Variants in KLHDC7A observed in about 807,000 individuals in gnomAD.
KLHDC7A encodes kelch domain containing 7A.
For missense variants in KLHDC7A, 1,123 were observed against 1,052.6 expected (o/e 1.07, Z -0.93); for synonymous variants, 464 against 461.0 (o/e 1.01, Z -0.08).
rs749113065 is a variant in KLHDC7A, at chr1:18,481,119, G to A, written c.138G>A (p.Gln46=). 5.0e-6 allele frequency: 8 copies of A among 1,613,800 alleles called. No individual in the cohort carries two copies. The South Asian group carries it at 7.7e-5, about 16-fold the overall frequency. Residue 46 remains glutamine (Q), a synonymous_variant, in exon 1 of 1, where the codon CAG becomes CAA. Coordinates refer to ENST00000400664, the MANE Select transcript of KLHDC7A (RefSeq NM_152375.3). ...RLYKSRPAPA[Q]RWGGNGQAEA... ...ACAAGTCGAGGCCTGCCCCAGCCCA[G>A]CGGTGGGGTGGGAATGGCCAGGCAG...
rs138851325 is a variant in KLHDC7A, at chr1:18,481,852, G to C, written c.871G>C (p.Asp291His). 1 of 1,613,916 alleles carries C rather than the reference G, an allele frequency of 6.2e-7. No homozygotes were observed. Among genetic ancestry groups the C allele is most frequent in the Non-Finnish European group, 8.5e-7 (1 of 1,179,982 alleles). The part of the protein sequence containing the change: ...VEPRLKGKVY[D>H]YYVESTSQAI... ...GCCCCGGCTCAAGGGCAAGGTGTACGACTACTATGTGGAATCTACCTCTCA... is the reference window on the plus strand; with the variant it reads ...GCCCCGGCTCAAGGGCAAGGTGTACCACTACTATGTGGAATCTACCTCTCA... Residue 291 changes from aspartate (D) to histidine (H), a missense_variant, in exon 1 of 1, where the codon GAC (aspartate) becomes CAC (histidine). Transcript: ENST00000400664.
chr1:18,481,852 G>A lies in KLHDC7A; in HGVS notation c.871G>A (p.Asp291Asn). The change falls in exon 1 of 1, where the codon GAC becomes AAC. Residue 291 changes from aspartate (D) to asparagine (N), a missense_variant. Transcript: ENST00000400664. ...GCCCCGGCTCAAGGGCAAGGTGTAC[G>A]ACTACTATGTGGAATCTACCTCTCA... is the stretch of plus-strand genomic sequence containing the variant. The part of the protein sequence containing the change: ...VEPRLKGKVY[D>N]YYVESTSQAI... 1.9e-6 allele frequency: 3 copies of A among 1,614,034 alleles called. No homozygotes were observed. Among genetic ancestry groups the A allele is most frequent in the Non-Finnish European group, 2.5e-6 (3 of 1,179,974 alleles).
Position 18,483,927 on chromosome 1 carries a change from C to G in KLHDC7A, c.*612C>G, listed in dbSNP as rs1557446640. 30 of 1,303,920 alleles carry G rather than the reference C, an allele frequency of 2.3e-5. No homozygotes were observed. The highest frequency in any genetic ancestry group is 2.9e-5 in the Non-Finnish European group (29 of 988,840). 80.8% of individuals were successfully genotyped at this position (1,303,920 alleles called of 1,614,324 possible). A position where few individuals can be genotyped will look rare whatever the true frequency, so the allele number is the denominator to read the frequency against. ...TAGAACAGCTGAAGCTGGGGCCAGC[C>G]TAGGAGACTCTTGCTTGCGAGAAAA... is the stretch of plus-strand genomic sequence containing the variant. On this transcript the variant is annotated 3_prime_UTR_variant, in exon 1 of 1. Coordinates refer to ENST00000400664, the MANE Select transcript of KLHDC7A (RefSeq NM_152375.3).
At position 18,481,421 on chromosome 1, in the gene KLHDC7A, C is replaced by G. The variant is rs769390350; in HGVS notation, c.440C>G (p.Thr147Arg). 1 of 1,613,868 alleles carries G rather than the reference C, an allele frequency of 6.2e-7. No homozygotes were observed. The highest frequency in any genetic ancestry group is 1.1e-5 in the South Asian group (1 of 91,060). ...PPCCPSQETR[T>R]AVGSNPDPPH... ...TGCTGCCCCAGCCAGGAAACCAGAA[C>G]AGCTGTTGGCAGTAACCCTGACCCT... Residue 147 changes from threonine (T) to arginine (R), a missense_variant, in exon 1 of 1, where the codon ACA becomes AGA. Coordinates refer to ENST00000400664, the MANE Select transcript of KLHDC7A (RefSeq NM_152375.3).
rs576576320 is a variant in KLHDC7A at position 18,481,162 on chromosome 1, G to A, written c.181G>A (p.Glu61Lys). 1.2e-6 allele frequency: 2 copies of A among 1,612,202 alleles called. No individual in the cohort carries two copies. Among genetic ancestry groups the A allele is most frequent in the Non-Finnish European group, 1.7e-6 (2 of 1,179,308 alleles). ...CCAGGCAGAAGCCAAGGAGGAAGCAGAGGGCTCAGGGCAGCCTGCTGTACA... is the reference window on the plus strand; with the variant it reads ...CCAGGCAGAAGCCAAGGAGGAAGCAAAGGGCTCAGGGCAGCCTGCTGTACA... ...NGQAEAKEEA[E>K]GSGQPAVQEA... is the part of the protein sequence containing the mutation. Residue 61 changes from glutamate (E) to lysine (K), a missense_variant, in exon 1 of 1, where the codon GAG becomes AAG. Glu to Lys is a moderately conservative substitution (Grantham distance 56). Coordinates refer to ENST00000400664, the MANE Select transcript of KLHDC7A (RefSeq NM_152375.3).
At position 18,483,652 on chromosome 1, in the gene KLHDC7A, CTT is replaced by C. The variant is rs2086915647; in HGVS notation, c.*341_*342del. 2.4e-6 allele frequency: 3 copies of C among 1,235,286 alleles called. No individual in the cohort carries two copies. The East Asian group carries it at 1.4e-4, about 59-fold the overall frequency. The allele number at this position is 1,235,286 out of a possible 1,614,324, so 76.5% of individuals were successfully genotyped here. ...CCCACCAAAGCTTAGGGGGCATAGT[CTT>C]TTTGCAATCACAATTCTAGGAGCCA... On this transcript the variant is annotated 3_prime_UTR_variant, in exon 1 of 1. Coordinates refer to ENST00000400664, the MANE Select transcript of KLHDC7A (RefSeq NM_152375.3).
rs1170093569 is a variant in KLHDC7A at position 18,481,752 on chromosome 1, C to A, written c.771C>A (p.Asn257Lys). 1 of 1,613,866 alleles carries A rather than the reference C, an allele frequency of 6.2e-7. No homozygotes were observed. Among genetic ancestry groups the A allele is most frequent in the African/African-American group, 1.3e-5 (1 of 74,940 alleles). Residue 257 changes from asparagine (N) to lysine (K), a missense_variant, in exon 1 of 1, where the codon AAC (asparagine) becomes AAA (lysine). Coordinates refer to ENST00000400664, the MANE Select transcript of KLHDC7A (RefSeq NM_152375.3). ...LTLHQQEGAP[N>K]SSYTFSSIAR... ...TGCATCAGCAGGAGGGCGCCCCCAA[C>A]TCCTCCTATACCTTCTCATCCATAG...
rs374506641 is a variant in KLHDC7A at position 18,485,110 on chromosome 1, G to A, written c.*1795G>A. ...TGGGGCAGAATGGCTTCAGTGACAA[G>A]ACTCAAAGGAGGCACTAGCATTGTG... On this transcript the variant is annotated 3_prime_UTR_variant, in exon 1 of 1. Coordinates refer to ENST00000400664, the MANE Select transcript of KLHDC7A (RefSeq NM_152375.3). The A allele has an allele frequency of 2.4e-5, 4 of 166,922 alleles. No individual in the cohort carries two copies. Among genetic ancestry groups the A allele is most frequent in the African/African-American group, 9.7e-5 (4 of 41,336 alleles). 10.3% of individuals were successfully genotyped at this position (166,922 alleles called of 1,614,324 possible).
Position 18,484,846 on chromosome 1 carries a change from G to C in KLHDC7A, c.*1531G>C, listed in dbSNP as rs1437152040. The C allele has an allele frequency of 6.0e-6, 1 of 167,048 alleles. No individual in the cohort carries two copies. The highest frequency in any genetic ancestry group is 2.4e-5 in the African/African-American group (1 of 41,380). The allele number at this position is 167,048 out of a possible 1,614,324, so 10.3% of individuals were successfully genotyped here. A position where few individuals can be genotyped will look rare whatever the true frequency, so the allele number is the denominator to read the frequency against. ...ATCCCTGGTCTGGGCTCTGGCACCAGGCTCTGCCAGTGGCAGCTCAGAGGC... is the reference window on the plus strand; with the variant it reads ...ATCCCTGGTCTGGGCTCTGGCACCACGCTCTGCCAGTGGCAGCTCAGAGGC... On this transcript the variant is annotated 3_prime_UTR_variant, in exon 1 of 1. Transcript: ENST00000400664.
rs1557446381 is a variant in KLHDC7A, at chr1:18,483,357, C to T, written c.*42C>T. On this transcript the variant is annotated 3_prime_UTR_variant, in exon 1 of 1. Transcript: ENST00000400664. ...CTCCTCATGCAAAGCTGGGGGCCAC[C>T]GGGCTCCACTGCCAGCCGTCCCTCT... 2 of 1,581,134 alleles carry T rather than the reference C, an allele frequency of 1.3e-6. No homozygotes were observed. The highest frequency in any genetic ancestry group is 2.2e-5 in the East Asian group (1 of 44,472).
In KLHDC7A at chr1:18,483,619, A is replaced by T; in HGVS notation, c.*304A>T. On this transcript the variant is annotated 3_prime_UTR_variant, in exon 1 of 1. Coordinates refer to ENST00000400664, the MANE Select transcript of KLHDC7A (RefSeq NM_152375.3). ...CAACTCTGAATTCTTGGGGGGATAC[A>T]CCGGGACCCCACCAAAGCTTAGGGG... is the stretch of plus-strand genomic sequence containing the variant. 7.7e-6 allele frequency: 10 copies of T among 1,300,152 alleles called. No homozygotes were observed. Among genetic ancestry groups the T allele is most frequent in the Non-Finnish European group, 9.9e-6 (10 of 1,007,984 alleles). The allele number at this position is 1,300,152 out of a possible 1,614,324, so 80.5% of individuals were successfully genotyped here.
chr1:18,483,249 G>A lies in KLHDC7A; in HGVS notation c.2268G>A (p.Pro756=), dbSNP rs762203639. 25 of 1,613,672 alleles carry A rather than the reference G, an allele frequency of 1.5e-5. No homozygotes were observed. Among genetic ancestry groups the A allele is most frequent in the Admixed American group, 5.0e-5 (3 of 59,996 alleles). The change falls in exon 1 of 1, where the codon CCG becomes CCA. Residue 756 remains proline, a synonymous_variant. Coordinates refer to ENST00000400664, the MANE Select transcript of KLHDC7A (RefSeq NM_152375.3). ...VPKELRSFPA[P]QGTLLPTVLT... Reference sequence around the variant, plus strand: ...AGGAGCTGCGGAGTTTCCCGGCCCCGCAGGGCACCCTCCTGCCCACCGTCC... The same window carrying A: ...AGGAGCTGCGGAGTTTCCCGGCCCCACAGGGCACCCTCCTGCCCACCGTCC...
chr1:18,485,519 T>C lies in KLHDC7A; in HGVS notation c.*2204T>C, dbSNP rs1162078561. 6.2e-6 allele frequency: 1 copy of C among 161,950 alleles called. No individual in the cohort carries two copies. The highest frequency in any genetic ancestry group is 7.0e-5 in the Admixed American group (1 of 14,222). 10.0% of individuals were successfully genotyped at this position (161,950 alleles called of 1,614,324 possible). ...CTCTCTTATGGTTCCATTGGCAAAA[T>C]CATTCATCAGTCGTCCTATCTTTTC... On this transcript the variant is annotated 3_prime_UTR_variant, in exon 1 of 1. Coordinates refer to ENST00000400664, the MANE Select transcript of KLHDC7A (RefSeq NM_152375.3).
At position 18,482,933 on chromosome 1, in the gene KLHDC7A, C is replaced by T; in HGVS notation, c.1952C>T (p.Ser651Phe). 6.2e-7 allele frequency: 1 copy of T among 1,611,606 alleles called. No homozygotes were observed. Among genetic ancestry groups the T allele is most frequent in the Non-Finnish European group, 8.5e-7 (1 of 1,179,572 alleles). ...CTGCGCTTCCTGCTGTTCCGCTTCT[C>T]TGCGCAGGAGCAGCGCTGGTGGGCC... is the stretch of plus-strand genomic sequence containing the variant. ...GSLRFLLFRF[S>F]AQEQRWWAGP... Residue 651 changes from serine (S) to phenylalanine (F), a missense_variant, in exon 1 of 1, where the codon TCT (serine) becomes TTT (phenylalanine). Coordinates refer to ENST00000400664, the MANE Select transcript of KLHDC7A (RefSeq NM_152375.3).
chr1:18,483,139 G>A lies in KLHDC7A; in HGVS notation c.2158G>A (p.Val720Met), dbSNP rs774526487. The A allele has an allele frequency of 5.6e-6, 9 of 1,614,028 alleles. No homozygotes were observed. Among genetic ancestry groups the A allele is most frequent in the South Asian group, 1.1e-5 (1 of 91,084 alleles). ...TPYPDAFQCA[V>M]VDNLIYCVGR... ...TTACCCGGATGCCTTCCAGTGCGCC[G>A]TGGTGGACAACCTCATCTACTGCGT... Residue 720 changes from valine (V) to methionine (M), a missense_variant, in exon 1 of 1, where the codon GTG (valine) becomes ATG (methionine). Coordinates refer to ENST00000400664, the MANE Select transcript of KLHDC7A (RefSeq NM_152375.3).
At position 18,483,426 on chromosome 1, in the gene KLHDC7A, T is replaced by C; in HGVS notation, c.*111T>C. On this transcript the variant is annotated 3_prime_UTR_variant, in exon 1 of 1. Coordinates refer to ENST00000400664, the MANE Select transcript of KLHDC7A (RefSeq NM_152375.3). ...AACAGGCAACCCAGGAATGTGGCCA[T>C]CAAGAGGTGAATTCCGGTCCTTTCT... is the stretch of plus-strand genomic sequence containing the variant. The C allele has an allele frequency of 6.6e-7, 1 of 1,517,300 alleles. No individual in the cohort carries two copies. Among genetic ancestry groups the C allele is most frequent in the Non-Finnish European group, 8.8e-7 (1 of 1,134,176 alleles). 94.0% of individuals were successfully genotyped at this position (1,517,300 alleles called of 1,614,324 possible).
Position 18,484,399 on chromosome 1 carries a change from G to A in KLHDC7A, c.*1084G>A, listed in dbSNP as rs1252322700. 3.9e-6 allele frequency: 1 copy of A among 255,516 alleles called. No individual in the cohort carries two copies. The highest frequency in any genetic ancestry group is 8.3e-6 in the Non-Finnish European group (1 of 120,952). The allele number at this position is 255,516 out of a possible 1,614,324, so 15.8% of individuals were successfully genotyped here. On this transcript the variant is annotated 3_prime_UTR_variant, in exon 1 of 1. Transcript: ENST00000400664. ...CTCAGGAAAGCACCTGTCCTTCCAG[G>A]AGGGACGGGAGAGAGCCTGACCCAG...
rs535671866 is a variant in KLHDC7A at position 18,483,718 on chromosome 1, G to C, written c.*403G>C. The C allele has an allele frequency of 5.0e-6, 6 of 1,196,598 alleles. No homozygotes were observed. The Admixed American group carries it at 1.5e-4, about 29-fold the overall frequency. The allele number at this position is 1,196,598 out of a possible 1,614,324, so 74.1% of individuals were successfully genotyped here. A position where few individuals can be genotyped will look rare whatever the true frequency, so the allele number is the denominator to read the frequency against. On this transcript the variant is annotated 3_prime_UTR_variant, in exon 1 of 1. Coordinates refer to ENST00000400664, the MANE Select transcript of KLHDC7A (RefSeq NM_152375.3). ...GCCCCTCGCTAGTTGCTCTGGAGAGGGGTTGGCTCTCTGAGCCATCAGTGC... is the reference window on the plus strand; with the variant it reads ...GCCCCTCGCTAGTTGCTCTGGAGAGCGGTTGGCTCTCTGAGCCATCAGTGC...
At position 18,481,598 on chromosome 1, in the gene KLHDC7A, A is replaced by C. The variant is rs2086890225; in HGVS notation, c.617A>C (p.His206Pro). Residue 206 changes from histidine to proline, a missense_variant, in exon 1 of 1, where the codon CAC (histidine) becomes CCC (proline). Coordinates refer to ENST00000400664, the MANE Select transcript of KLHDC7A (RefSeq NM_152375.3). ...HPGLGQLEPP[H>P]CHYVAPLQGS... ...GGACTGGGGCAACTAGAACCTCCCC[A>C]CTGTCACTACGTGGCTCCCTTGCAA... The C allele has an allele frequency of 6.2e-7, 1 of 1,613,890 alleles. No individual in the cohort carries two copies. The highest frequency in any genetic ancestry group is 8.5e-7 in the Non-Finnish European group (1 of 1,179,998).
Sources: gnomAD v4.1 joint callset for allele counts on GRCh38, gnomAD v4.1.1 for gene constraint, MANE v1.5 for transcripts, NCBI Gene and HGNC (gene_info 2026-07-23, HGNC 2026-07-21) for gene names.